Variants in SPTBN1 observed in about 807,000 individuals in gnomAD.
SPTBN1 encodes the protein spectrin beta, non-erythrocytic 1.
A neutral mutation model predicts 266.4 loss-of-function variants in SPTBN1; 32 were observed. That is an observed-to-expected ratio of 0.12 (90% CI 0.09 to 0.16). SPTBN1 has a LOEUF of 0.16. Among genes scored for constraint, SPTBN1 ranks in the 10% least tolerant of loss-of-function variants. The pLI is 1.00. For synonymous variants in SPTBN1, 1,336 were observed against 1,162.2 expected, an observed-to-expected ratio of 1.15 and a Z score of -3.04; for missense variants, 2,296 against 3,067.1, an observed-to-expected ratio of 0.75 and a Z score of 5.94.
intron 1 of SPTBN1, among the ~76,000 whole-genome samples, chr2:54,502,816 GA>G (rs1194364803): frequency 6.6e-6 from 1 of 152,176 alleles, no homozygotes; most frequent in Non-Finnish European, 1.5e-5. Flanking sequence ...GAGGTTCCTG[GA>G]GATTGTGTGA....
rs766162040 is a variant in SPTBN1, at chr2:54,671,415, G to A, written c.*2846G>A. The A allele has an allele frequency of 1.3e-5, 2 of 152,146 alleles. No homozygotes were observed. Among genetic ancestry groups the A allele is most frequent in the Non-Finnish European group, 2.9e-5 (2 of 68,030 alleles). The allele number at this position is 152,146 out of a possible 1,614,324, so 9.4% of individuals were successfully genotyped here. A position where few individuals can be genotyped will look rare whatever the true frequency, so the allele number is the denominator to read the frequency against. ...CCCTGGATACATTGTTTTATCAGTC[G>A]GAATTCTTAAATAAAGACATACTTC... is the stretch of plus-strand genomic sequence containing the variant. On this transcript the variant is annotated 3_prime_UTR_variant, in exon 36 of 36. Transcript: ENST00000356805.
intron 2 of SPTBN1, among the ~76,000 whole-genome samples, chr2:54,580,326 A>G (rs752104266): frequency 1.9e-4 from 29 of 152,262 alleles, no homozygotes; most frequent in Admixed American, 1.2e-3. Flanking sequence ...ATGTAGAACT[A>G]AAAAGCATCT....
intron 27 of SPTBN1, among the ~76,000 whole-genome samples, chr2:54,654,202 C>T (rs1044152518): frequency 2.0e-5 from 3 of 152,322 alleles, no homozygotes; most frequent in Admixed American, 6.5e-5. Context: ...CTAACTGCCC[C>T]GTCTTTGCAA....
chr2:54,625,097 C>T (rs1678240000), intron 11 of SPTBN1, 135 bp downstream of exon 11: 16 of 1,014,340 alleles, frequency 1.6e-5, no homozygotes, highest in Non-Finnish European at 2.2e-5. Context: ...GTCACCTTGG[C>T]CCCTTCCCAT....
At chr2:54,630,545 A>T (rs920332057) in intron 15 of SPTBN1, among the ~76,000 whole-genome samples, 2 of 152,176 alleles carry the variant, frequency 1.3e-5, no homozygotes, top group Non-Finnish European at 2.9e-5. Flanking sequence ...GAGTTCAGAG[A>T]TGTGTAAAAT....
intron 2 of SPTBN1, among the ~76,000 whole-genome samples, chr2:54,547,393 C>A (rs529594803): frequency 6.6e-6 from 1 of 152,290 alleles, no homozygotes; most frequent in South Asian, 2.1e-4. Flanking sequence ...TCACCTCTTG[C>A]TATTGCGAAT....
chr2:54,612,664 C>T (rs890137050), intron 4 of SPTBN1, among the ~76,000 whole-genome samples: 1 of 152,166 alleles, frequency 6.6e-6, no homozygotes, highest in Admixed American at 6.5e-5. Flanking sequence ...CTGCTTGGCT[C>T]TCAGGAGCAA....
chr2:54,505,568 C>G, intron 1 of SPTBN1, among the ~76,000 whole-genome samples: 1 of 152,150 alleles, frequency 6.6e-6, no homozygotes, highest in Non-Finnish European at 1.5e-5. Flanking sequence ...GCTCCTGAAG[C>G]TGCCTGCACA....
intron 2 of SPTBN1, among the ~76,000 whole-genome samples, chr2:54,574,923 G>A (rs1166934803): frequency 6.6e-6 from 1 of 152,170 alleles, no homozygotes; most frequent in Non-Finnish European, 1.5e-5. Context: ...TGTGTGCTAG[G>A]TGGTATCATA....
rs1414894718 is a variant in SPTBN1, at chr2:54,533,202, G to A, written c.148+6636G>A. On this transcript the variant is annotated intron_variant, in intron 2 of 35. Coordinates refer to ENST00000356805, the MANE Select transcript of SPTBN1 (RefSeq NM_003128.3). The surrounding 1 kb of genome is among the most constrained non-coding windows in gnomAD (Gnocchi z 4.2). Reference sequence around the variant, plus strand: ...ACCAGGCGGGATGGAGCGAGATGGCGCAAGATTTCATCACAGTGCTCAGGA... The same window carrying A: ...ACCAGGCGGGATGGAGCGAGATGGCACAAGATTTCATCACAGTGCTCAGGA... Among the ~76,000 whole-genome samples, 2 of 152,110 alleles carry A rather than the reference G, an allele frequency of 1.3e-5. No individual in the cohort carries two copies. The highest frequency in any genetic ancestry group is 2.9e-5 in the Non-Finnish European group (2 of 68,018).
chr2:54,480,581 C>T (rs1433826024), intron 1 of SPTBN1, among the ~76,000 whole-genome samples: 1 of 152,132 alleles, frequency 6.6e-6, no homozygotes, highest in African/African-American at 2.4e-5. Flanking sequence ...TTCAGTATAA[C>T]CCACATTCAG....
At chr2:54,589,649 G>C (rs1675537204) in intron 2 of SPTBN1, among the ~76,000 whole-genome samples, 1 of 152,170 alleles carries the variant, frequency 6.6e-6, no homozygotes, top group Non-Finnish European at 1.5e-5. Flanking sequence ...ATACAAATCA[G>C]CAAACATGAA....
intron 1 of SPTBN1, among the ~76,000 whole-genome samples, chr2:54,489,248 G>T (rs562498663): frequency 2.1e-4 from 32 of 150,962 alleles, no homozygotes; most frequent in African/African-American, 7.8e-4. Context: ...TTGAGCCCAG[G>T]AAGTTGAGGC....
chr2:54,496,009 TG>T (rs1385705879), intron 1 of SPTBN1, among the ~76,000 whole-genome samples: 3 of 152,170 alleles, frequency 2.0e-5, no homozygotes, highest in Non-Finnish European at 4.4e-5. Context: ...GAAGTACACA[TG>T]GGCTTATACA....
chr2:54,638,039 C>G (rs989203624), intron 18 of SPTBN1, among the ~76,000 whole-genome samples: 4 of 152,176 alleles, frequency 2.6e-5, no homozygotes. Context: ...CTGCACTGTT[C>G]ATTACAGTAG....
intron 2 of SPTBN1, among the ~76,000 whole-genome samples, chr2:54,592,608 C>A (rs1446071673): frequency 6.6e-6 from 1 of 152,204 alleles, no homozygotes; most frequent in Non-Finnish European, 1.5e-5. Flanking sequence ...TGGTCTCAAA[C>A]TACTTCTGAC....
intron 2 of SPTBN1, among the ~76,000 whole-genome samples, chr2:54,555,562 C>T (rs1173832964): frequency 2.0e-5 from 3 of 152,172 alleles, no homozygotes; most frequent in African/African-American, 7.2e-5. Context: ...TTGCTGCCTT[C>T]ATTTCCTCTC....
intron 3 of SPTBN1, among the ~76,000 whole-genome samples, chr2:54,609,732 A>T (rs1677089283): frequency 1.3e-5 from 2 of 152,106 alleles, no homozygotes. Flanking sequence ...TACCAAAAGA[A>T]CTTTAAAACG....
At chr2:54,505,351 A>G (rs556483242) in intron 1 of SPTBN1, among the ~76,000 whole-genome samples, 160 of 152,322 alleles carry the variant, frequency 1.1e-3, no homozygotes, top group Non-Finnish European at 1.7e-3. Flanking sequence ...ACTTTCAGGC[A>G]AGATGGTCAT....
Sources: allele counts gnomAD v4.1 joint callset (sites outside exome capture counted in the v4.1 genomes callset), GRCh38; gene constraint gnomAD v4.1.1; non-coding constraint Gnocchi (gnomAD v3.1); transcripts MANE v1.5; gene names NCBI Gene and HGNC (gene_info 2026-07-23, HGNC 2026-07-21).